BMP2K: variants seen among roughly 807,000 people sequenced by gnomAD.
The protein encoded by BMP2K is BMP-2-inducible protein kinase.
A neutral mutation model predicts 116.0 loss-of-function variants in BMP2K; 74 were observed. The observed-to-expected ratio is 0.64, with a 90% CI of 0.53 to 0.77. BMP2K has a LOEUF of 0.77. Ranked by LOEUF, BMP2K falls within the 30% of genes least tolerant of loss-of-function variation. The pLI is 0.00. For synonymous variants in BMP2K, 486 were observed against 502.5 expected, an observed-to-expected ratio of 0.97 and a Z score of 0.44; for missense variants, 1,365 against 1,403.6, an observed-to-expected ratio of 0.97 and a Z score of 0.44.
intron 8 of BMP2K, 95 bp from the exon 9 acceptor site, chr4:78,861,294 C>A: frequency 2.1e-6 from 2 of 930,526 alleles, no homozygotes; most frequent in Non-Finnish European, 3.2e-6. Context: ...TCTCATAGTA[C>A]TTTTAAAGTT....
At chr4:78,832,450 G>C (rs953279081) in intron 2 of BMP2K, among the ~76,000 whole-genome samples, 10 of 152,068 alleles carry the variant, frequency 6.6e-5, no homozygotes, top group African/African-American at 2.4e-4. Context: ...TGCACAATCT[G>C]ACTTTTTAAA....
intron 3 of BMP2K, among the ~76,000 whole-genome samples, chr4:78,838,879 C>T (rs1419945375): frequency 6.6e-6 from 1 of 152,140 alleles, no homozygotes; most frequent in Admixed American, 6.5e-5. Flanking sequence ...TATTTTGATA[C>T]ATAGATTTAA....
At chr4:78,791,581 G>A (rs62310796) in intron 1 of BMP2K, among the ~76,000 whole-genome samples, 1 of 151,814 alleles carries the variant, frequency 6.6e-6, no homozygotes, top group African/African-American at 2.4e-5. Flanking sequence ...AACAAACTTC[G>A]TACCCATCAA....
chr4:78,814,684 A>G (rs956818581), intron 1 of BMP2K, among the ~76,000 whole-genome samples: 3 of 152,128 alleles, frequency 2.0e-5, no homozygotes, highest in African/African-American at 4.8e-5. Context: ...CTGTGAGTCA[A>G]TTAAACTTTT....
chr4:78,789,754 A>G (rs557971947), intron 1 of BMP2K, among the ~76,000 whole-genome samples: 1 of 152,322 alleles, frequency 6.6e-6, no homozygotes, highest in South Asian at 2.1e-4. Flanking sequence ...CATACATGAA[A>G]TAGTGTATTT....
Position 78,887,331 on chromosome 4 carries a change from A to G in BMP2K, c.2062+47A>G, listed in dbSNP as rs200004492. 193 of 1,328,160 alleles carry G rather than the reference A, an allele frequency of 1.5e-4. 1 individual carries two copies. Among genetic ancestry groups the G allele is most frequent in the Non-Finnish European group, 1.9e-4 (183 of 938,538 alleles). 82.3% of individuals were successfully genotyped at this position (1,328,160 alleles called of 1,614,324 possible). A position where few individuals can be genotyped will look rare whatever the true frequency, so the allele number is the denominator to read the frequency against. ...ATCACTGTCACAAATAAAACACACA[A>G]GAACAACAGCAAAATCTTATAAAGT... On this transcript the variant is annotated intron_variant, in intron 15 of 15. Coordinates refer to ENST00000502613, the MANE Select transcript of BMP2K (RefSeq NM_198892.2).
chr4:78,873,154 ATGTTATTACCTT>A (rs1411755426), intron 13 of BMP2K, among the ~76,000 whole-genome samples: 1 of 152,174 alleles, frequency 6.6e-6, no homozygotes, highest in Non-Finnish European at 1.5e-5. Flanking sequence ...CTCTATTTAC[ATGTTATTACCTT>A]TGATTAATTT....
At chr4:78,886,804 A>AT (rs1432477424) in intron 14 of BMP2K, among the ~76,000 whole-genome samples, 1 of 152,034 alleles carries the variant, frequency 6.6e-6, no homozygotes, top group Non-Finnish European at 1.5e-5. Flanking sequence ...CATTTGCAAG[A>AT]TTTTTTCTAA....
chr4:78,852,415 A>G (rs1005993506), intron 7 of BMP2K, among the ~76,000 whole-genome samples: 5 of 152,122 alleles, frequency 3.3e-5, no homozygotes, highest in African/African-American at 1.2e-4. Flanking sequence ...AAAAACATAA[A>G]AGCATTCAAG....
intron 3 of BMP2K, among the ~76,000 whole-genome samples, chr4:78,840,720 A>G (rs1730716333): frequency 6.6e-6 from 1 of 152,054 alleles, no homozygotes; most frequent in Admixed American, 6.6e-5. Flanking sequence ...TTCAGCCCAA[A>G]TATAGTTTTT....
intron 14 of BMP2K, among the ~76,000 whole-genome samples, chr4:78,882,302 A>G (rs926051104): frequency 6.6e-6 from 1 of 151,732 alleles, no homozygotes; most frequent in African/African-American, 2.4e-5. Context: ...AAAATAAACT[A>G]GATTCTTCTT....
rs745867411 is a variant in BMP2K at position 78,872,774 on chromosome 4, T to C, written c.1769T>C (p.Met590Thr). 4 of 1,614,088 alleles carry C rather than the reference T, an allele frequency of 2.5e-6. No homozygotes were observed. The highest frequency in any genetic ancestry group is 2.2e-5 in the South Asian group (2 of 91,084). ...SSLPAQVGTI[M>T]DSSYSANRSV... Reference sequence around the variant, plus strand: ...CTTCCAGCTCAGGTTGGAACCATAATGGACTCCTCCTATAGTGCCAATAGG... The same window carrying C: ...CTTCCAGCTCAGGTTGGAACCATAACGGACTCCTCCTATAGTGCCAATAGG... Residue 590 changes from methionine (M) to threonine (T), a missense_variant, in exon 13 of 16, where the codon ATG becomes ACG. Transcript: ENST00000502613.
At chr4:78,891,113 A>C (rs1733410288) in intron 15 of BMP2K, among the ~76,000 whole-genome samples, 1 of 152,198 alleles carries the variant, frequency 6.6e-6, no homozygotes, top group South Asian at 2.1e-4. Context: ...ATAATTTGGC[A>C]GGGCAAATAA....
intron 1 of BMP2K, among the ~76,000 whole-genome samples, chr4:78,808,950 A>G (rs868458576): frequency 1.3e-5 from 2 of 152,148 alleles, no homozygotes; most frequent in Non-Finnish European, 2.9e-5. Flanking sequence ...AATGTTCTAT[A>G]AATGTCTGTT....
chr4:78,792,804 A>G (rs1017852620), intron 1 of BMP2K, among the ~76,000 whole-genome samples: 13 of 152,220 alleles, frequency 8.5e-5, no homozygotes, highest in Non-Finnish European at 1.8e-4. Context: ...TAGATTCCAT[A>G]TTACAACTAA....
Position 78,776,480 on chromosome 4 carries a change from T to C in BMP2K, c.-64T>C, listed in dbSNP as rs1452242344. ...CGGCGACCCCTCGCGGACGCCCGGC[T>C]GCGCGCCGGGCCGGGGACTTGCCCT... On this transcript the variant is annotated 5_prime_UTR_variant, in exon 1 of 16. Transcript: ENST00000502613. 2 of 1,110,510 alleles carry C rather than the reference T, an allele frequency of 1.8e-6. No individual in the cohort carries two copies. The highest frequency in any genetic ancestry group is 1.7e-5 in the African/African-American group (1 of 59,978). The allele number at this position is 1,110,510 out of a possible 1,614,324, so 68.8% of individuals were successfully genotyped here.
chr4:78,801,362 G>A (rs898790063), intron 1 of BMP2K, among the ~76,000 whole-genome samples: 5 of 151,700 alleles, frequency 3.3e-5, no homozygotes, highest in African/African-American at 1.2e-4. Context: ...GTGTGTGTGT[G>A]TGTGTGTGTG....
At chr4:78,814,508 T>G (rs1729236817) in intron 1 of BMP2K, among the ~76,000 whole-genome samples, 1 of 152,210 alleles carries the variant, frequency 6.6e-6, no homozygotes, top group South Asian at 2.1e-4. Flanking sequence ...CTCTGTGCTG[T>G]TCTCATGATA....
intron 9 of BMP2K, among the ~76,000 whole-genome samples, chr4:78,861,762 C>G (rs1360824687): frequency 6.6e-6 from 1 of 151,852 alleles, no homozygotes; most frequent in Non-Finnish European, 1.5e-5. Context: ...CATCACATAG[C>G]AACTCTAGTT....
Sources: allele counts gnomAD v4.1 joint callset (sites outside exome capture counted in the v4.1 genomes callset), GRCh38; gene constraint gnomAD v4.1.1; transcripts MANE v1.5; gene names NCBI Gene and HGNC (gene_info 2026-07-23, HGNC 2026-07-21).